PRDM5: variants seen among roughly 807,000 people sequenced by gnomAD.
The protein encoded by PRDM5 is PR/SET domain 5.
A neutral mutation model predicts 81.2 loss-of-function variants in PRDM5; 56 were observed. The ratio of observed to expected loss-of-function variants is 0.69; its 90% CI spans 0.56 to 0.86. The LOEUF is 0.86. Among genes scored for constraint, PRDM5 ranks in the 40% least tolerant of loss-of-function variants. PRDM5 has a pLI of 0.00. For synonymous variants in PRDM5, 267 were observed against 256.4 expected (o/e 1.04, Z -0.39); for missense variants, 697 against 770.1 (o/e 0.91, Z 1.12).
chr4:120,797,067 A>G (rs1751442181), intron 10 of PRDM5, among the ~76,000 whole-genome samples: 1 of 152,206 alleles, frequency 6.6e-6, no homozygotes. Flanking sequence ...TGAAACAAGA[A>G]CTTGAGCAAA....
intron 11 of PRDM5, among the ~76,000 whole-genome samples, chr4:120,782,310 G>T (rs1220283971): frequency 6.6e-6 from 1 of 152,028 alleles, no homozygotes; most frequent in Non-Finnish European, 1.5e-5. Flanking sequence ...GCAAAATTAA[G>T]AATAATTAAA....
chr4:120,798,506 C>A (rs1489932857), intron 9 of PRDM5, 82 bp from the exon 10 acceptor site: 2 of 1,264,472 alleles, frequency 1.6e-6, no homozygotes, highest in Non-Finnish European at 2.2e-6. Context: ...CCTTATATTA[C>A]TTCTTACGGT....
intron 2 of PRDM5, among the ~76,000 whole-genome samples, chr4:120,860,638 A>G (rs1760460487): frequency 6.6e-6 from 1 of 150,900 alleles, no homozygotes; most frequent in African/African-American, 2.4e-5. Flanking sequence ...AATAAAGTTG[A>G]GTTTAACTGA....
intron 15 of PRDM5, among the ~76,000 whole-genome samples, chr4:120,700,922 C>T (rs1387621671): frequency 2.6e-5 from 4 of 152,090 alleles, no homozygotes; most frequent in African/African-American, 7.2e-5. Context: ...GTTAGGAGAT[C>T]GAGACCAGCC....
intron 14 of PRDM5, among the ~76,000 whole-genome samples, chr4:120,720,255 G>C (rs1738404152): frequency 6.6e-6 from 1 of 152,110 alleles, no homozygotes; most frequent in Non-Finnish European, 1.5e-5. Context: ...GGCCTGTGGT[G>C]GTCCTGACCA....
chr4:120,922,322 G>C (rs1177445529), intron 1 of PRDM5, among the ~76,000 whole-genome samples, 194 bp downstream of exon 1: 1 of 151,946 alleles, frequency 6.6e-6, no homozygotes, highest in Non-Finnish European at 1.5e-5. Flanking sequence ...CTGCCTGCTC[G>C]GGTGGCGCAG....
intron 10 of PRDM5, among the ~76,000 whole-genome samples, chr4:120,787,635 T>C (rs1402041107): frequency 6.6e-6 from 1 of 152,098 alleles, no homozygotes; most frequent in African/African-American, 2.4e-5. Context: ...TTTGAGAAAG[T>C]ACCTGGATAT....
chr4:120,763,687 A>G (rs1745960247), intron 13 of PRDM5, among the ~76,000 whole-genome samples: 1 of 152,180 alleles, frequency 6.6e-6, no homozygotes, highest in African/African-American at 2.4e-5. Context: ...AAAATTATTA[A>G]TCATTTCACC....
chr4:120,773,110 T>C (rs1468733653), intron 13 of PRDM5, among the ~76,000 whole-genome samples: 2 of 152,206 alleles, frequency 1.3e-5, no homozygotes, highest in African/African-American at 4.8e-5. Flanking sequence ...TGTATGAAAG[T>C]TGTCTCAAGG....
intron 8 of PRDM5, among the ~76,000 whole-genome samples, chr4:120,802,853 T>A (rs941478358): frequency 7.9e-5 from 12 of 152,186 alleles, no homozygotes; most frequent in Admixed American, 7.2e-4. Flanking sequence ...CAAAGCTGGA[T>A]GGAGAATGAC....
chr4:120,837,943 C>G (rs1014655552), intron 3 of PRDM5: 2 of 152,178 alleles, frequency 1.3e-5, no homozygotes, highest in Non-Finnish European at 2.9e-5. Context: ...TCTCTGTCCA[C>G]TGAGGTGAAT....
intron 13 of PRDM5, among the ~76,000 whole-genome samples, chr4:120,763,604 C>T (rs1216750234): frequency 6.6e-6 from 1 of 152,092 alleles, no homozygotes; most frequent in Admixed American, 6.6e-5. Flanking sequence ...TGGTAGGGAA[C>T]AATTTAAGTC....
chr4:120,731,509 T>C (rs1740258848), intron 14 of PRDM5: 1 of 152,110 alleles, frequency 6.6e-6, no homozygotes, highest in Non-Finnish European at 1.5e-5. Context: ...CAAATGAGAC[T>C]GGAGAAAAAT....
At chr4:120,899,643 A>G (rs1156274719) in intron 2 of PRDM5, among the ~76,000 whole-genome samples, 2 of 152,086 alleles carry the variant, frequency 1.3e-5, no homozygotes, top group Non-Finnish European at 2.9e-5. Flanking sequence ...CCCATCACAC[A>G]CCAAGCAAGC....
chr4:120,755,763 C>G (rs1403606697), intron 13 of PRDM5, among the ~76,000 whole-genome samples: 2 of 152,140 alleles, frequency 1.3e-5, no homozygotes, highest in African/African-American at 4.8e-5. Context: ...AAGGCTGGCC[C>G]CATTGCACAA....
intron 14 of PRDM5, among the ~76,000 whole-genome samples, chr4:120,725,350 T>C (rs1053243104): frequency 2.7e-5 from 4 of 150,892 alleles, no homozygotes; most frequent in South Asian, 2.2e-4. Context: ...TTTTGTAATA[T>C]CTGATGATGC....
chr4:120,712,091 G>T (rs557948775), intron 14 of PRDM5, among the ~76,000 whole-genome samples: 102 of 152,132 alleles, frequency 6.7e-4, no homozygotes, highest in East Asian at 3.7e-3. Context: ...TTTGAGACCA[G>T]CCTGGCCAAC....
chr4:120,918,656 T>A (rs1419546326), intron 1 of PRDM5, among the ~76,000 whole-genome samples: 1 of 146,510 alleles, frequency 6.8e-6, no homozygotes, highest in African/African-American at 2.5e-5. Flanking sequence ...TTTTTTTTTT[T>A]ACTTAGGATT....
chr4:120,732,647 AAAT>A (rs1329304658), intron 14 of PRDM5, among the ~76,000 whole-genome samples: 3 of 152,198 alleles, frequency 2.0e-5, no homozygotes, highest in African/African-American at 7.2e-5. Flanking sequence ...ATATTACTAA[AAAT>A]AAAAAACTAT....
Sources: allele counts gnomAD v4.1 joint callset (sites outside exome capture counted in the v4.1 genomes callset), GRCh38; gene constraint gnomAD v4.1.1; transcripts MANE v1.5; gene names NCBI Gene and HGNC (gene_info 2026-07-23, HGNC 2026-07-21).